Variants in KIFAP3 observed in about 807,000 individuals in gnomAD.
KIFAP3 encodes the protein kinesin-associated protein 3.
In KIFAP3, 68 loss-of-function variants were observed where a neutral mutation model predicts 106.5. The ratio of observed to expected loss-of-function variants is 0.64; its 90% confidence interval spans 0.53 to 0.78. The LOEUF (loss-of-function observed/expected upper bound fraction) is 0.78. Among genes scored for constraint, KIFAP3 ranks in the 30% least tolerant of loss-of-function variants. The pLI is 0.00. For synonymous variants in KIFAP3, 320 were observed against 311.5 expected (o/e 1.03, Z -0.29); for missense variants, 780 against 941.8 (o/e 0.83, Z 2.25).
chr1:169,926,704 C>T lies in KIFAP3; in HGVS notation c.2274-4923G>A, dbSNP rs1255000449. 9.6e-5 allele frequency among the ~76,000 whole-genome samples: 14 copies of T among 145,124 alleles called. No individual in the cohort carries two copies. The East Asian group carries it at 2.8e-3, about 29-fold the overall frequency. On this transcript the variant is annotated intron_variant, in intron 19 of 19. Coordinates refer to ENST00000361580, the MANE Select transcript of KIFAP3 (RefSeq NM_014970.4). ...GTGTACACACACACACACACACACA[C>T]ATTCAAAATTTTACTTATAACTACC... is the stretch of plus-strand genomic sequence containing the variant.
At chr1:169,944,222 C>T (rs1048759335) in intron 19 of KIFAP3, among the ~76,000 whole-genome samples, 4 of 152,172 alleles carry the variant, frequency 2.6e-5, no homozygotes, top group Admixed American at 6.5e-5. Context: ...CTGGTCACCA[C>T]GCACAGCAGG....
intron 17 of KIFAP3, among the ~76,000 whole-genome samples, chr1:169,970,396 T>G (rs575994401): frequency 1.3e-5 from 2 of 152,182 alleles, no homozygotes; most frequent in East Asian, 3.9e-4. Context: ...TGGGCCCAAC[T>G]ACATTAAACA....
At chr1:170,062,980 C>G (rs982185104) in intron 1 of KIFAP3, among the ~76,000 whole-genome samples, 9 of 152,048 alleles carry the variant, frequency 5.9e-5, no homozygotes, top group Non-Finnish European at 8.8e-5. Context: ...TCTAACCTTA[C>G]TCCATCTTGC....
intron 3 of KIFAP3, among the ~76,000 whole-genome samples, chr1:170,044,261 T>A (rs2102078119): frequency 6.6e-6 from 1 of 152,304 alleles, no homozygotes; most frequent in African/African-American, 2.4e-5. Flanking sequence ...CTCTACCTAG[T>A]ACTATAAAAC....
At chr1:170,058,069 T>A (rs12130150) in intron 1 of KIFAP3, among the ~76,000 whole-genome samples, 9,593 of 152,202 alleles carry the variant, frequency 0.063, 388 homozygotes, top group Non-Finnish European at 0.095. Flanking sequence ...TGGGACAGTG[T>A]TCTTAATTAT....
At chr1:169,978,245 T>C in intron 15 of KIFAP3, 62 bp from the exon 16 acceptor site, 2 of 1,066,152 alleles carry the variant, frequency 1.9e-6, no homozygotes, top group Non-Finnish European at 2.9e-6. Flanking sequence ...TTTAAAATAA[T>C]TGAGGGGAAT....
chr1:170,012,218 C>A (rs1668277453), intron 10 of KIFAP3, among the ~76,000 whole-genome samples: 1 of 151,952 alleles, frequency 6.6e-6, no homozygotes, highest in Non-Finnish European at 1.5e-5. Flanking sequence ...GAAGTGACAG[C>A]CAAGGCCAGG....
intron 2 of KIFAP3, among the ~76,000 whole-genome samples, chr1:170,051,577 C>T (rs1055369343): frequency 2.0e-5 from 3 of 152,082 alleles, no homozygotes; most frequent in South Asian, 2.1e-4. Context: ...ATTCTAAAAT[C>T]GACCACATAA....
chr1:170,051,000 T>C (rs192070980), intron 2 of KIFAP3, among the ~76,000 whole-genome samples: 1 of 152,242 alleles, frequency 6.6e-6, no homozygotes, highest in African/African-American at 2.4e-5. Flanking sequence ...AATATTAACC[T>C]TAAATGTGAA....
chr1:169,921,979 T>C (rs1662852511), intron 19 of KIFAP3, among the ~76,000 whole-genome samples, 198 bp from the exon 20 acceptor site: 1 of 152,148 alleles, frequency 6.6e-6, no homozygotes, highest in South Asian at 2.1e-4. Flanking sequence ...TAACAATGTG[T>C]GTTAAAAGTA....
intron 19 of KIFAP3, among the ~76,000 whole-genome samples, chr1:169,939,350 C>T (rs1465147218): frequency 1.3e-5 from 2 of 152,036 alleles, no homozygotes; most frequent in Admixed American, 6.6e-5. Context: ...AAGGAAGATT[C>T]CAAAGTTTAA....
At chr1:170,011,761 A>G (rs1342277586) in intron 10 of KIFAP3, among the ~76,000 whole-genome samples, 3 of 152,058 alleles carry the variant, frequency 2.0e-5, no homozygotes, top group Non-Finnish European at 4.4e-5. Flanking sequence ...TATCTTTTGT[A>G]TAAGCATTGT....
At chr1:169,933,348 T>TATATTATAC (rs1663597957) in intron 19 of KIFAP3, among the ~76,000 whole-genome samples, 1 of 152,070 alleles carries the variant, frequency 6.6e-6, no homozygotes, top group Non-Finnish European at 1.5e-5. Context: ...ACCAGAAATG[T>TATATTATAC]ATTAGAAGAA....
At chr1:170,008,228 A>G (rs1202968817) in intron 10 of KIFAP3, among the ~76,000 whole-genome samples, 1 of 151,746 alleles carries the variant, frequency 6.6e-6, no homozygotes, top group African/African-American at 2.4e-5. Context: ...TTATGACTAA[A>G]ACACCAAAAG....
chr1:170,074,296 C>T (rs1215542402), intron 1 of KIFAP3, 140 bp downstream of exon 1: 3 of 1,018,128 alleles, frequency 2.9e-6, no homozygotes, highest in East Asian at 2.6e-5. Flanking sequence ...CACCTTTTCC[C>T]TCTCCTTTCG....
chr1:170,067,989 G>GT (rs1671529339), intron 1 of KIFAP3: 1 of 152,232 alleles, frequency 6.6e-6, no homozygotes. Flanking sequence ...TTCAGGCTCT[G>GT]TGCAAGCAGC....
intron 19 of KIFAP3, among the ~76,000 whole-genome samples, chr1:169,923,515 T>A (rs1214467121): frequency 1.3e-5 from 2 of 152,202 alleles, no homozygotes; most frequent in East Asian, 3.8e-4. Context: ...TCCTTCTTCA[T>A]CTTTTGCTTA....
chr1:170,073,697 T>C (rs1270961636), intron 1 of KIFAP3, among the ~76,000 whole-genome samples: 1 of 151,946 alleles, frequency 6.6e-6, no homozygotes, highest in East Asian at 1.9e-4. Flanking sequence ...CTTGGTTCAG[T>C]GGGAGGTATC....
intron 19 of KIFAP3, among the ~76,000 whole-genome samples, chr1:169,951,158 AT>A (rs1664709194): frequency 6.6e-6 from 1 of 151,870 alleles, no homozygotes; most frequent in African/African-American, 2.4e-5. Flanking sequence ...GTCCCTTTTC[AT>A]TTGTTCTATT....
Sources: gnomAD v4.1 joint callset for allele counts (sites outside exome capture counted in the v4.1 genomes callset) on GRCh38, gnomAD v4.1.1 for gene constraint, MANE v1.5 for transcripts, NCBI Gene and HGNC (gene_info 2026-07-23, HGNC 2026-07-21) for gene names.